Variants in BCORL1 observed in about 807,000 individuals in gnomAD.
BCORL1 encodes BCL-6 corepressor-like protein 1.
Under a neutral mutation model 87.6 loss-of-function variants are expected in BCORL1, and 7 were observed. The observed-to-expected ratio is 0.08, with a 90% CI of 0.05 to 0.15. The LOEUF (loss-of-function observed/expected upper bound fraction) is 0.15, where lower values mean the gene tolerates loss of function less well. Ranked by LOEUF, BCORL1 falls within the 10% of genes least tolerant of loss-of-function variation. The pLI, the probability that BCORL1 is intolerant of heterozygous loss-of-function variation, is 1.00. For synonymous variants in BCORL1, 591 were observed against 634.4 expected (o/e 0.93, Z 1.03); for missense variants, 1,215 against 1,499.7 (o/e 0.81, Z 3.13).
Position 130,005,206 on chromosome X carries a change from G to T in BCORL1, c.-26G>T. 8.4e-7 allele frequency: 1 copy of T among 1,187,171 alleles called. No individual in the cohort carries two copies. Among genetic ancestry groups the T allele is most frequent in the Non-Finnish European group, 1.1e-6 (1 of 877,778 alleles). Reference sequence around the variant, plus strand: ...TCCCCAGGGGGAGTGGCCACAGCAGGTCCTATCTGGTGGTGAGTGGCTGTC... The same window carrying T: ...TCCCCAGGGGGAGTGGCCACAGCAGTTCCTATCTGGTGGTGAGTGGCTGTC... On this transcript the variant is annotated 5_prime_UTR_variant, in exon 2 of 14. Transcript: ENST00000540052.
chrX:130,003,328 G>A (rs1246433602), intron 1 of BCORL1, among the ~76,000 whole-genome samples: 1 of 107,607 alleles, frequency 9.3e-6, no homozygotes, highest in Non-Finnish European at 1.9e-5. Context: ...CTTAGTCTGT[G>A]TTGTATTATC....
chrX:130,051,908 G>A lies in BCORL1; in HGVS notation c.4967G>A (p.Ser1656Asn). The change falls in exon 13 of 14, where the codon AGC becomes AAC. Residue 1656 changes from serine to asparagine, a missense_variant. Coordinates refer to ENST00000540052, the MANE Select transcript of BCORL1 (RefSeq NM_001379451.1). ...GACCTCCTACATAATCCTCCTGGGA[G>A]CTCAGATCAAGAAGGAGACGATCCG... ...ACDLLHNPPG[S>N]SDQEGDDPME... 1 of 1,208,477 alleles carries A rather than the reference G, an allele frequency of 8.3e-7. No homozygotes were observed. Among genetic ancestry groups the A allele is most frequent in the Middle Eastern group, 2.3e-4 (1 of 4,321 alleles).
At chrX:130,020,822 C>T (rs758170649) in intron 4 of BCORL1, among the ~76,000 whole-genome samples, 163 bp from the exon 5 acceptor site, 5 of 111,903 alleles carry the variant, frequency 4.5e-5, no homozygotes, top group African/African-American at 6.5e-5. Flanking sequence ...CAAAAGAGCC[C>T]CTGTCACCCA....
Position 130,013,797 on chromosome X carries a change from C to T in BCORL1, c.1025C>T (p.Pro342Leu). 1 of 1,171,709 alleles carries T rather than the reference C, an allele frequency of 8.5e-7. No individual in the cohort carries two copies. The highest frequency in any genetic ancestry group is 1.8e-5 in the African/African-American group (1 of 56,479). Residue 342 changes from proline (P) to leucine (L), a missense_variant, in exon 4 of 14, where the codon CCA becomes CTA. Transcript: ENST00000540052. ...PVPTPVLAPMPASTPPAAPAP... is the reference protein window; with the variant it reads ...PVPTPVLAPMLASTPPAAPAP... ...CCCACTCCGGTTCTGGCTCCCATGC[C>T]AGCATCCACGCCTCCAGCGGCCCCT... is the stretch of plus-strand genomic sequence containing the variant.
intron 1 of BCORL1, among the ~76,000 whole-genome samples, chrX:130,003,066 T>C (rs1407690971): frequency 9.0e-6 from 1 of 111,216 alleles, no homozygotes; most frequent in Non-Finnish European, 1.9e-5. Flanking sequence ...GCAGGGTGGA[T>C]GCCTCTCTCC....
At chrX:129,998,252 T>G (rs1275340623) in intron 1 of BCORL1, among the ~76,000 whole-genome samples, 1 of 110,288 alleles carries the variant, frequency 9.1e-6, no homozygotes, top group African/African-American at 3.3e-5. Context: ...CATATCCTTG[T>G]GCCTGTGCTT....
chrX:130,023,056 C>G (rs1256589656), intron 6 of BCORL1, 79 bp downstream of exon 6: 1 of 887,022 alleles, frequency 1.1e-6, no homozygotes, highest in Non-Finnish European at 1.7e-6. Context: ...GCAGTTTTAC[C>G]ATGGGCCCAG....
rs760397145 is a variant in BCORL1 at position 130,015,200 on chromosome X, C to T, written c.2428C>T (p.Pro810Ser). The T allele has an allele frequency of 3.3e-6, 4 of 1,212,155 alleles. No homozygotes were observed. In the South Asian group the frequency reaches 7.0e-5, roughly 21 times the overall value. ...KELSLWKPTG[P>S]ANIYPRCSVN... is the part of the protein sequence containing the mutation. ...ACTCTCTTTGTGGAAACCCACGGGG[C>T]CGGCAAATATTTATCCCCGGTGTTC... The change falls in exon 4 of 14, where the codon CCG becomes TCG. Residue 810 changes from proline (P) to serine (S), a missense_variant. Around this residue, in one of 5 missense-constraint regions of BCORL1, gnomAD observed 861 missense variants for 1,010.0 expected, o/e 0.85. Coordinates refer to ENST00000540052, the MANE Select transcript of BCORL1 (RefSeq NM_001379451.1).
intron 13 of BCORL1, 121 bp from the exon 14 acceptor site, chrX:130,055,733 G>A: frequency 1.3e-6 from 1 of 782,859 alleles, no homozygotes. Context: ...GACTGGCAGT[G>A]AGTTATAATG....
chrX:130,021,678 G>A (rs1929831345), intron 5 of BCORL1, among the ~76,000 whole-genome samples: 1 of 111,650 alleles, frequency 9.0e-6, no homozygotes, highest in South Asian at 3.8e-4. Context: ...GCCACTAATA[G>A]TTTCTGGGCA....
intron 1 of BCORL1, among the ~76,000 whole-genome samples, chrX:129,998,697 T>C: frequency 8.9e-6 from 1 of 111,847 alleles, no homozygotes; most frequent in Middle Eastern, 4.6e-3. Context: ...GAGTCTGTTC[T>C]CTAGGGCCGC....
intron 11 of BCORL1, among the ~76,000 whole-genome samples, chrX:130,039,580 G>C (rs1931196980): frequency 8.8e-6 from 1 of 113,151 alleles, no homozygotes; most frequent in Non-Finnish European, 1.9e-5. Context: ...GGGGGCGGCA[G>C]CCCCACTAGT....
At chrX:130,046,628 C>T (rs1045427229) in intron 11 of BCORL1, among the ~76,000 whole-genome samples, 9 of 110,546 alleles carry the variant, frequency 8.1e-5, no homozygotes, top group Non-Finnish European at 1.5e-4. Context: ...CTCACTGCAG[C>T]CTCCACCTCC....
In BCORL1 at chrX:130,014,479, A is replaced by G. The variant is rs111712027; in HGVS notation, c.1707A>G (p.Pro569=). 7.8e-4 allele frequency: 948 copies of G among 1,209,343 alleles called. 3 individuals are homozygous for G. The African/African-American group carries it at 0.015, about 20-fold the overall frequency. Residue 569 remains proline (P), a synonymous_variant, in exon 4 of 14, where the codon CCA becomes CCG. Transcript: ENST00000540052. ...KVLPTPQPLL[P]APSGSSAPPH... ...TTCCAACTCCACAGCCTCTGCTGCCAGCCCCCAGTGGGAGCTCAGCCCCAC... is the reference window on the plus strand; with the variant it reads ...TTCCAACTCCACAGCCTCTGCTGCCGGCCCCCAGTGGGAGCTCAGCCCCAC...
At chrX:129,983,034 C>T (rs1347174053) in intron 1 of BCORL1, among the ~76,000 whole-genome samples, 1 of 109,925 alleles carries the variant, frequency 9.1e-6, no homozygotes. Context: ...GCTTGCCCCC[C>T]GGGGGCGCCG....
chrX:130,022,963 C>T lies in BCORL1; in HGVS notation c.3674C>T (p.Thr1225Met). 1 of 1,207,857 alleles carries T rather than the reference C, an allele frequency of 8.3e-7. No individual in the cohort carries two copies. Among genetic ancestry groups the T allele is most frequent in the Non-Finnish European group, 1.1e-6 (1 of 891,781 alleles). ...ATTCCTGTGGTTCTGAGCACCCGCA[C>T]GCGCAGTCAGTCTGGTGAGTGAGAC... ...DFIPVVLSTR[T>M]RSQSGSICSS... The change falls in exon 6 of 14, where the codon ACG (threonine) becomes ATG (methionine). Residue 1225 changes from threonine to methionine, a missense_variant. Physicochemically the swap from Thr to Met is moderately conservative, Grantham distance 81. Transcript: ENST00000540052.
intron 1 of BCORL1, among the ~76,000 whole-genome samples, chrX:129,993,937 C>CA (rs1556036495): frequency 3.6e-5 from 4 of 109,962 alleles, no homozygotes; most frequent in East Asian, 5.7e-4. Context: ...GATGCCCCCC[C>CA]ACCATGCCCA....
At chrX:130,017,602 A>G (rs1929532019) in intron 4 of BCORL1, among the ~76,000 whole-genome samples, 1 of 108,439 alleles carries the variant, frequency 9.2e-6, no homozygotes, top group Non-Finnish European at 1.9e-5. Flanking sequence ...TCCAAAGTCC[A>G]TGTTCTTCTT....
In BCORL1 at chrX:130,019,924, C is replaced by T. The variant is rs1219894413; in HGVS notation, c.3442-1061C>T. Among the ~76,000 whole-genome samples, 11 of 112,521 alleles carry T rather than the reference C, an allele frequency of 9.8e-5. No individual in the cohort carries two copies. The East Asian group carries it at 2.8e-3, about 28-fold the overall frequency. On this transcript the variant is annotated intron_variant, in intron 4 of 13. Coordinates refer to ENST00000540052, the MANE Select transcript of BCORL1 (RefSeq NM_001379451.1). ...AGTGGCACAGAGAGACCTCAAAGCT[C>T]GTGAGAATACGTGACTGTTAGGCTG...
Sources: allele counts gnomAD v4.1 joint callset (sites outside exome capture counted in the v4.1 genomes callset), GRCh38; gene constraint gnomAD v4.1.1; regional missense constraint gnomAD v4.1.1; transcripts MANE v1.5; gene names NCBI Gene and HGNC (gene_info 2026-07-23, HGNC 2026-07-21).